The following LIPA variants were observed in gnomAD, a reference collection of about 807,000 sequenced individuals.
LIPA encodes the protein lipase A, lysosomal acid type.
Under a neutral mutation model 40.6 loss-of-function variants are expected in LIPA, and 26 were observed. The ratio of observed to expected loss-of-function variants is 0.64; its 90% CI spans 0.47 to 0.89. The LOEUF is 0.89. Among genes scored for constraint, LIPA ranks in the 40% least tolerant of loss-of-function variants. The pLI is 0.00. For missense variants in LIPA, 455 were observed against 479.6 expected, an observed-to-expected ratio of 0.95 and a Z score of 0.48; for synonymous variants, 188 against 168.4, an observed-to-expected ratio of 1.12 and a Z score of -0.90.
intron 1 of LIPA, among the ~76,000 whole-genome samples, chr10:89,326,240 C>T (rs1328270060): frequency 3.9e-5 from 6 of 152,132 alleles, no homozygotes; most frequent in Admixed American, 3.9e-4. Context: ...ATTTACACAA[C>T]GGAGTGCTCT....
intron 1 of LIPA, chr10:89,307,539 T>C (rs1843490370): frequency 1.7e-6 from 1 of 599,788 alleles, no homozygotes; most frequent in Non-Finnish European, 2.9e-6. Flanking sequence ...TTGCTGGGTC[T>C]TGAGAGAGCC....
At chr10:89,321,182 CA>C (rs1843569920) in intron 1 of LIPA, among the ~76,000 whole-genome samples, 1 of 151,856 alleles carries the variant, frequency 6.6e-6, no homozygotes, top group Non-Finnish European at 1.5e-5. Flanking sequence ...TCTAAAACAC[CA>C]AAAGCAATGG....
intron 2 of LIPA, chr10:89,392,472 C>CCCCA (rs1844268189): frequency 9.6e-6 from 1 of 104,502 alleles, no homozygotes; most frequent in African/African-American, 1.6e-4. Flanking sequence ...TCATTCCCCA[C>CCCCA]CCCCCCCCGT....
chr10:89,350,478 T>C (rs1843952273), intron 2 of LIPA, among the ~76,000 whole-genome samples: 1 of 152,046 alleles, frequency 6.6e-6, no homozygotes. Flanking sequence ...GCTCATTTTT[T>C]GTATTTTTAG....
intron 1 of LIPA, among the ~76,000 whole-genome samples, chr10:89,309,572 G>A (rs528542789): frequency 1.3e-5 from 2 of 152,266 alleles, no homozygotes; most frequent in South Asian, 4.2e-4. Flanking sequence ...CAGGTATGCC[G>A]ACCTTGAGAG....
At chr10:89,227,937 A>G (rs191084841) in intron 4 of LIPA, among the ~76,000 whole-genome samples, 59 of 152,382 alleles carry the variant, frequency 3.9e-4, no homozygotes, top group African/African-American at 1.3e-3. Flanking sequence ...ACGTTTACCC[A>G]GCAGCACCCA....
intron 2 of LIPA, chr10:89,385,206 G>C (rs1286731325): frequency 1.3e-5 from 2 of 153,680 alleles, no homozygotes; most frequent in African/African-American, 4.8e-5. Context: ...CTTAATCATA[G>C]TTTCTGAATT....
At chr10:89,347,815 C>T (rs1235016598) in intron 2 of LIPA, among the ~76,000 whole-genome samples, 1 of 152,198 alleles carries the variant, frequency 6.6e-6, no homozygotes, top group Admixed American at 6.5e-5. Flanking sequence ...TGGACCTGAT[C>T]ACCTTCCTGG....
chr10:89,363,205 A>C lies in LIPA; in HGVS notation c.61+49586T>G, dbSNP rs186186105. 605 of 195,782 alleles carry C rather than the reference A, an allele frequency of 3.1e-3. 2 individuals are homozygous for C. Among genetic ancestry groups the C allele is most frequent in the African/African-American group, 0.013 (572 of 42,834 alleles). 12.1% of individuals were successfully genotyped at this position (195,782 alleles called of 1,614,324 possible). On this transcript the variant is annotated intron_variant, in intron 2 of 8. Coordinates refer to the LIPA transcript ENST00000371837. Reference sequence around the variant, plus strand: ...CTTTGCTGCAGGAAACAGACAAAAAAAGCTAAAGGCAGGATAGAGAAACTG... The same window carrying C: ...CTTTGCTGCAGGAAACAGACAAAAACAGCTAAAGGCAGGATAGAGAAACTG...
chr10:89,362,924 A>C, intron 2 of LIPA: 1 of 267,024 alleles, frequency 3.7e-6, no homozygotes, highest in Non-Finnish European at 7.3e-6. Flanking sequence ...ACCCCCTAAA[A>C]TGGGCTGTCA....
rs567560396 is a variant in LIPA at position 89,239,414 on chromosome 10, T to C, written c.229+6262A>G. Among the ~76,000 whole-genome samples the C allele has an allele frequency of 2.0e-5, 3 of 152,358 alleles. No individual in the cohort carries two copies. The East Asian group carries it at 5.8e-4, about 29-fold the overall frequency. On this transcript the variant is annotated intron_variant, in intron 3 of 9. Transcript: ENST00000336233. The stretch of plus-strand genomic sequence containing the variant: ...AATAGGAGTTCTTACACCCTAGAAT[T>C]GTATGAGAGTTCACCTGATGATTCA...
chr10:89,405,019 A>C (rs1390867810), intron 2 of LIPA: 4 of 152,236 alleles, frequency 2.6e-5, no homozygotes, highest in African/African-American at 9.6e-5. Context: ...CAACACTATC[A>C]ATAAATAGCT....
chr10:89,228,684 A>C (rs1315740866), intron 3 of LIPA, among the ~76,000 whole-genome samples: 1 of 152,244 alleles, frequency 6.6e-6, no homozygotes, highest in Non-Finnish European at 1.5e-5. Context: ...AGAAATTATA[A>C]AATGTTTTTA....
At chr10:89,402,094 G>C (rs1039623585) in intron 2 of LIPA, among the ~76,000 whole-genome samples, 10 of 152,240 alleles carry the variant, frequency 6.6e-5, no homozygotes, top group African/African-American at 2.4e-4. Flanking sequence ...AATTGCTCTA[G>C]CCAGCATATG....
At chr10:89,328,133 T>G (rs74830635) in intron 1 of LIPA, 2 of 1,566,404 alleles carry the variant, frequency 1.3e-6, no homozygotes, top group East Asian at 4.5e-5. Context: ...AATTGTAAGT[T>G]GAGTTTCTTA....
At chr10:89,250,105 TTC>T (rs1273426694) in intron 1 of LIPA, among the ~76,000 whole-genome samples, 5 of 122,748 alleles carry the variant, frequency 4.1e-5, no homozygotes, top group Non-Finnish European at 6.6e-5. Flanking sequence ...TTTCTTTTCT[TTC>T]TTTTTTTTTT....
chr10:89,413,860 G>A (rs1198193524), intron 1 of LIPA, among the ~76,000 whole-genome samples: 1 of 152,104 alleles, frequency 6.6e-6, no homozygotes, highest in East Asian at 1.9e-4. Context: ...TAAGGGTAAG[G>A]CCCGTGTCTG....
chr10:89,248,442 ATATT>A (rs199626090), intron 1 of LIPA, among the ~76,000 whole-genome samples: 6,229 of 135,954 alleles, frequency 0.046, 206 homozygotes, highest in African/African-American at 0.069. Flanking sequence ...TTATTATTTT[ATATT>A]TATTTATTTA....
chr10:89,385,514 C>T (rs1406617497), intron 2 of LIPA, among the ~76,000 whole-genome samples: 1 of 152,186 alleles, frequency 6.6e-6, no homozygotes, highest in African/African-American at 2.4e-5. Flanking sequence ...TCCTCAGTCT[C>T]CCAAACAAAG....
Sources: gnomAD v4.1 joint callset for allele counts (sites outside exome capture counted in the v4.1 genomes callset) on GRCh38, gnomAD v4.1.1 for gene constraint, MANE v1.5 for transcripts, NCBI Gene and HGNC (gene_info 2026-07-23, HGNC 2026-07-21) for gene names.